The following VASH2 variants were observed in gnomAD, a reference collection of about 807,000 sequenced individuals.
VASH2 encodes vasohibin 2, also known as tubulinyl-Tyr carboxypeptidase 2.
A neutral mutation model predicts 37.2 loss-of-function variants in VASH2; 28 were observed. The observed-to-expected ratio is 0.75, with a 90% CI of 0.56 to 1.03. The LOEUF is 1.03. Ranked by LOEUF, VASH2 falls within the 50% of genes least tolerant of loss-of-function variation. The probability of loss-of-function intolerance (pLI) is 0.00; values close to 1 mark genes in which losing one functional copy is unlikely to be tolerated. For missense variants in VASH2, 419 were observed against 459.1 expected, an observed-to-expected ratio of 0.91 and a Z score of 0.80; for synonymous variants, 188 against 174.7, an observed-to-expected ratio of 1.08 and a Z score of -0.60.
intron 5 of VASH2, among the ~76,000 whole-genome samples, chr1:212,969,934 ACTT>A (rs1181043118): frequency 6.6e-6 from 1 of 152,034 alleles, no homozygotes; most frequent in Non-Finnish European, 1.5e-5. Context: ...GTTCTGAGCC[ACTT>A]CTTTTTATCT....
intron 7 of VASH2, among the ~76,000 whole-genome samples, chr1:212,975,642 A>G (rs1433377560): frequency 6.6e-6 from 1 of 152,248 alleles, no homozygotes; most frequent in Non-Finnish European, 1.5e-5. Flanking sequence ...TCAGAGGACT[A>G]TGAACATAGA....
chr1:212,960,590 A>G (rs974612186), intron 2 of VASH2, among the ~76,000 whole-genome samples: 1 of 152,200 alleles, frequency 6.6e-6, no homozygotes, highest in African/African-American at 2.4e-5. Context: ...GGGTTTCACC[A>G]TGTTGCCCAG....
intron 7 of VASH2, among the ~76,000 whole-genome samples, chr1:212,986,259 A>G (rs940909418): frequency 6.6e-6 from 1 of 152,162 alleles, no homozygotes; most frequent in South Asian, 2.1e-4. Context: ...GGCAAATTGA[A>G]TTTTTGATTG....
chr1:212,974,444 A>G (rs186820996), intron 7 of VASH2, among the ~76,000 whole-genome samples: 24 of 152,276 alleles, frequency 1.6e-4, no homozygotes, highest in African/African-American at 5.8e-4. Context: ...TTTCTCACCC[A>G]TAAAATGGGA....
At chr1:212,967,064 A>G in intron 5 of VASH2, 1 of 1,294,974 alleles carries the variant, frequency 7.7e-7, no homozygotes, top group Non-Finnish European at 1.0e-6. Flanking sequence ...AAATTCTAAG[A>G]GTGGCGTGTG....
intron 7 of VASH2, among the ~76,000 whole-genome samples, chr1:212,978,412 G>C (rs1558150983): frequency 6.6e-6 from 1 of 152,270 alleles, no homozygotes; most frequent in African/African-American, 2.4e-5. Context: ...GGTCACTCGA[G>C]GTCAGGAAGG....
intron 7 of VASH2, among the ~76,000 whole-genome samples, chr1:212,977,818 A>G (rs991590099): frequency 2.6e-5 from 4 of 152,188 alleles, no homozygotes; most frequent in African/African-American, 9.7e-5. Flanking sequence ...ATGGAGCCTG[A>G]GAACTGGTGT....
chr1:212,961,438 A>C, intron 3 of VASH2, 184 bp downstream of exon 3: 2 of 1,336,706 alleles, frequency 1.5e-6, no homozygotes, highest in Non-Finnish European at 2.0e-6. Context: ...CATTGCAGTG[A>C]CCCAGTAGGG....
intron 6 of VASH2, chr1:212,973,743 G>A: frequency 7.4e-7 from 1 of 1,350,330 alleles, no homozygotes; most frequent in Non-Finnish European, 9.6e-7. Flanking sequence ...CTGTATATCT[G>A]TCTTGGAAGT....
intron 2 of VASH2, among the ~76,000 whole-genome samples, chr1:212,955,098 A>G (rs1186372876): frequency 1.3e-5 from 2 of 152,170 alleles, no homozygotes; most frequent in African/African-American, 4.8e-5. Context: ...AACCAAATCA[A>G]TATCTTACTG....
chr1:212,984,249 A>G (rs1397858201), intron 7 of VASH2, among the ~76,000 whole-genome samples: 1 of 152,232 alleles, frequency 6.6e-6, no homozygotes, highest in African/African-American at 2.4e-5. Flanking sequence ...AATGGTAAAG[A>G]GTGAAGTTTA....
At chr1:212,958,911 T>C (rs958085314) in intron 2 of VASH2, among the ~76,000 whole-genome samples, 4 of 152,076 alleles carry the variant, frequency 2.6e-5, no homozygotes, top group Admixed American at 2.0e-4. Context: ...CTTTTTTTTT[T>C]AGTGATGGGG....
At chr1:212,956,281 C>CT (rs1293146154) in intron 2 of VASH2, among the ~76,000 whole-genome samples, 1 of 152,220 alleles carries the variant, frequency 6.6e-6, no homozygotes. Context: ...TTTCATTGTT[C>CT]TTTCTCTTGA....
intron 2 of VASH2, among the ~76,000 whole-genome samples, chr1:212,960,733 G>A (rs1013740567): frequency 1.2e-4 from 18 of 152,180 alleles, no homozygotes; most frequent in African/African-American, 4.3e-4. Context: ...CTGCAGTAGA[G>A]CACTTGTAGT....
chr1:212,951,575 C>T lies in VASH2; in HGVS notation c.33C>T (p.Cys11=), dbSNP rs200458941. ...GCTCCGCGGCCGACACTCACCGCTG[C>T]CCCCACCCCAAAGGCGCCAAAGGCA... is the stretch of plus-strand genomic sequence containing the variant. MTGSAADTHR[C]PHPKGAKGTR... The change falls in exon 2 of 8, where the codon TGC becomes TGT. Residue 11 remains cysteine (C), a synonymous_variant. Coordinates refer to ENST00000517399, the MANE Select transcript of VASH2 (RefSeq NM_001301056.2). This position sits in a 1 kb window ranked among gnomAD's most constrained non-coding sequence, Gnocchi z 4.4. 1.0e-3 allele frequency: 1,586 copies of T among 1,540,710 alleles called. 19 individuals carry two copies. The African/African-American group carries it at 0.018, about 17-fold the overall frequency.
At position 212,965,796 on chromosome 1, in the gene VASH2, T is replaced by A; in HGVS notation, c.422+18T>A. 3 of 1,549,388 alleles carry A rather than the reference T, an allele frequency of 1.9e-6. 1 individual carries two copies. The South Asian group carries it at 3.6e-5, about 18-fold the overall frequency. ...CTGAGTGGGTAAGTGGTGCATGATC[T>A]ATGGGCCAGATGACCTCTCTCCTAC... On this transcript the variant is annotated intron_variant, in intron 4 of 7. Coordinates refer to ENST00000517399, the MANE Select transcript of VASH2 (RefSeq NM_001301056.2).
At chr1:212,966,431 C>T (rs1039800938) in intron 5 of VASH2, 86 bp downstream of exon 5, 1 of 1,139,428 alleles carries the variant, frequency 8.8e-7, no homozygotes, top group Non-Finnish European at 1.3e-6. Context: ...ATTGTAAATT[C>T]TCAGAGATGA....
At chr1:212,983,358 G>A (rs1359464841) in intron 7 of VASH2, among the ~76,000 whole-genome samples, 1 of 152,216 alleles carries the variant, frequency 6.6e-6, no homozygotes. Context: ...GCTGACATCT[G>A]GTGAGAGCCT....
At chr1:212,983,031 TG>T (rs766926690) in intron 7 of VASH2, among the ~76,000 whole-genome samples, 16 of 152,234 alleles carry the variant, frequency 1.1e-4, no homozygotes, top group Non-Finnish European at 1.8e-4. Flanking sequence ...CTTAGGACTT[TG>T]TCTCTAAAAT....
Sources: gnomAD v4.1 joint callset for allele counts (sites outside exome capture counted in the v4.1 genomes callset) on GRCh38, gnomAD v4.1.1 for gene constraint, Gnocchi (gnomAD v3.1) non-coding constraint, MANE v1.5 for transcripts, NCBI Gene and HGNC (gene_info 2026-07-23, HGNC 2026-07-21) for gene names.